EXOC7: variants seen among roughly 807,000 people sequenced by gnomAD.
EXOC7 encodes exocyst complex component Exo70.
In EXOC7, 51 loss-of-function variants were observed where a neutral mutation model predicts 87.6. That is an observed-to-expected ratio of 0.58 (90% CI 0.46 to 0.73). The LOEUF is 0.73. Ranked by LOEUF, EXOC7 falls within the 30% of genes least tolerant of loss-of-function variation. EXOC7 has a pLI of 0.00. For synonymous variants in EXOC7, 327 were observed against 357.1 expected (o/e 0.92, Z 0.95); for missense variants, 744 against 888.4 (o/e 0.84, Z 2.07).
rs1027345860 is a variant in EXOC7, at chr17:76,083,412, A to C, written c.*236T>G. 1 of 539,416 alleles carries C rather than the reference A, an allele frequency of 1.9e-6. No individual in the cohort carries two copies. Among genetic ancestry groups the C allele is most frequent in the African/African-American group, 1.9e-5 (1 of 52,368 alleles). The allele number at this position is 539,416 out of a possible 1,614,324, so 33.4% of individuals were successfully genotyped here. On this transcript the variant is annotated 3_prime_UTR_variant, in exon 19 of 19. Coordinates refer to ENST00000589210, the MANE Select transcript of EXOC7 (RefSeq NM_001013839.4). Reference sequence around the variant, plus strand: ...AGAAGCCATCAGGGTCATAAAAGCCAAGGTGTGGAGGGACCCCAGGCTTCC... The same window carrying C: ...AGAAGCCATCAGGGTCATAAAAGCCCAGGTGTGGAGGGACCCCAGGCTTCC...
intron 4 of EXOC7, among the ~76,000 whole-genome samples, chr17:76,098,619 T>C (rs1368489921): frequency 6.6e-6 from 1 of 151,098 alleles, no homozygotes; most frequent in Admixed American, 6.6e-5. Flanking sequence ...CCCAGCACTT[T>C]GGGAGGCCGA....
intron 12 of EXOC7, chr17:76,086,904 A>C: frequency 3.9e-6 from 6 of 1,551,158 alleles, no homozygotes; most frequent in Non-Finnish European, 5.2e-6. Flanking sequence ...TACGGAGTGA[A>C]AGGCAGTGCA....
At chr17:76,103,083 CTGAG>C (rs1273303609) in intron 2 of EXOC7, 1 of 489,526 alleles carries the variant, frequency 2.0e-6, no homozygotes, top group Admixed American at 3.5e-5. Flanking sequence ...GTCAGACTCA[CTGAG>C]TGTTTGCAGA....
intron 12 of EXOC7, chr17:76,087,342 G>A: frequency 2.2e-6 from 1 of 457,194 alleles, no homozygotes; most frequent in Non-Finnish European, 4.0e-6. Flanking sequence ...CACGAGAGAA[G>A]GATTTGGGAG....
rs2067018219 is a variant in EXOC7, at chr17:76,082,357, T to G, written c.*1291A>C. The G allele has an allele frequency of 1.6e-6, 2 of 1,229,906 alleles. No individual in the cohort carries two copies. Among genetic ancestry groups the G allele is most frequent in the East Asian group, 4.8e-5 (2 of 41,938 alleles). The allele number at this position is 1,229,906 out of a possible 1,614,324, so 76.2% of individuals were successfully genotyped here. A position where few individuals can be genotyped will look rare whatever the true frequency, so the allele number is the denominator to read the frequency against. ...GACCCAAATTTTCATCAGCTGAGAA[T>G]CTAAGAAAGGAAGCGATACAGGCTG... is the stretch of plus-strand genomic sequence containing the variant. On this transcript the variant is annotated 3_prime_UTR_variant, in exon 19 of 19. Coordinates refer to ENST00000589210, the MANE Select transcript of EXOC7 (RefSeq NM_001013839.4).
At chr17:76,089,122 T>C in intron 8 of EXOC7, 53 bp downstream of exon 8, 1 of 1,606,180 alleles carries the variant, frequency 6.2e-7, no homozygotes, top group Non-Finnish European at 8.5e-7. Flanking sequence ...CAAGAGTCTG[T>C]TGTGACAGCT....
intron 5 of EXOC7, among the ~76,000 whole-genome samples, chr17:76,095,891 T>C (rs1006003852): frequency 3.3e-5 from 5 of 152,242 alleles, no homozygotes; most frequent in South Asian, 2.1e-4. Flanking sequence ...CTTGCACACA[T>C]GACTGAGGAA....
At chr17:76,092,303 T>G (rs945031437) in intron 6 of EXOC7, 36 of 148,874 alleles carry the variant, frequency 2.4e-4, no homozygotes, top group Middle Eastern at 3.4e-3. Context: ...TTTTTTTTTT[T>G]TTTTTTTTTT....
chr17:76,102,417 GACACACACAC>G (rs3073225), intron 2 of EXOC7, among the ~76,000 whole-genome samples: 8,996 of 144,082 alleles, frequency 0.062, 893 homozygotes, highest in African/African-American at 0.21. Context: ...TACACACACA[GACACACACAC>G]ACACACACAC....
At position 76,082,275 on chromosome 17, in the gene EXOC7, T is replaced by C. The variant is rs2067014544; in HGVS notation, c.*1373A>G. 1 of 773,374 alleles carries C rather than the reference T, an allele frequency of 1.3e-6. No individual in the cohort carries two copies. Among genetic ancestry groups the C allele is most frequent in the Non-Finnish European group, 2.0e-6 (1 of 497,338 alleles). The allele number at this position is 773,374 out of a possible 1,614,324, so 47.9% of individuals were successfully genotyped here. The stretch of plus-strand genomic sequence containing the variant: ...GTGACCTCAATCCCCTGATAACCCA[T>C]GCCTTGCACAGCCTAAGAGGGTGTT... On this transcript the variant is annotated 3_prime_UTR_variant, in exon 19 of 19. Transcript: ENST00000589210.
Position 76,083,185 on chromosome 17 carries a change from GA to G in EXOC7, c.*462del, listed in dbSNP as rs2067057557. 1 of 173,000 alleles carries G rather than the reference GA, an allele frequency of 5.8e-6. No individual in the cohort carries two copies. Among genetic ancestry groups the G allele is most frequent in the Non-Finnish European group, 1.2e-5 (1 of 81,120 alleles). The allele number at this position is 173,000 out of a possible 1,614,324, so 10.7% of individuals were successfully genotyped here. A position where few individuals can be genotyped will look rare whatever the true frequency, so the allele number is the denominator to read the frequency against. On this transcript the variant is annotated 3_prime_UTR_variant, in exon 19 of 19. Transcript: ENST00000589210. ...GGGCGGGCGGGAATGTGTTTTAAGA[GA>G]GGGGGTCAGTCCCGACTGCCTTTCC...
chr17:76,103,252 C>T, intron 2 of EXOC7, 109 bp downstream of exon 2: 1 of 969,108 alleles, frequency 1.0e-6, no homozygotes. Context: ...CTGCCTCCGT[C>T]GCTGCCCATT....
intron 4 of EXOC7, among the ~76,000 whole-genome samples, chr17:76,099,851 C>G (rs2067970689): frequency 6.6e-6 from 1 of 152,132 alleles, no homozygotes; most frequent in Non-Finnish European, 1.5e-5. Flanking sequence ...GTAATCCCTC[C>G]CAACACTTTG....
Position 76,082,900 on chromosome 17 carries a change from A to C in EXOC7, c.*748T>G. On this transcript the variant is annotated 3_prime_UTR_variant, in exon 19 of 19. Transcript: ENST00000589210. ...CCATTTTGCTCCTTAACTTTTCCCC[A>C]TTGTCCCTGTCTCCCAGCCCACAGG... 4 of 347,542 alleles carry C rather than the reference A, an allele frequency of 1.2e-5. No individual in the cohort carries two copies. Among genetic ancestry groups the C allele is most frequent in the Admixed American group, 9.4e-5 (2 of 21,236 alleles). The allele number at this position is 347,542 out of a possible 1,614,324, so 21.5% of individuals were successfully genotyped here.
Position 76,097,857 on chromosome 17 carries a change from C to G in EXOC7, c.579G>C (p.Glu193Asp). 1 of 1,614,092 alleles carries G rather than the reference C, an allele frequency of 6.2e-7. No homozygotes were observed. Among genetic ancestry groups the G allele is most frequent in the Admixed American group, 1.7e-5 (1 of 59,996 alleles). ...TGCGAATGACATCCTGGAGCACGCT[C>G]TCGGGCAGGTGCTCCAGGGTCACGT... Reference protein sequence around the residue: ...QEDVTLEHLPESVLQDVIRIS... With the variant: ...QEDVTLEHLPDSVLQDVIRIS... The change falls in exon 5 of 19, where the codon GAG (glutamate) becomes GAC (aspartate). Residue 193 changes from glutamate to aspartate, a missense_variant. Around this residue, in one of 3 missense-constraint regions of EXOC7, gnomAD observed 512 missense variants for 573.0 expected, o/e 0.89. Coordinates refer to ENST00000589210, the MANE Select transcript of EXOC7 (RefSeq NM_001013839.4).
chr17:76,088,404 G>C, intron 10 of EXOC7, 60 bp downstream of exon 10: 1 of 1,528,492 alleles, frequency 6.5e-7, no homozygotes. Flanking sequence ...GAGTCCCCCA[G>C]GGCCAGGTCA....
At chr17:76,091,667 C>A in intron 6 of EXOC7, 1 of 173,240 alleles carries the variant, frequency 5.8e-6, no homozygotes, top group Non-Finnish European at 1.2e-5. Flanking sequence ...CCCAGCCCAG[C>A]CCCAAACTCC....
chr17:76,089,561 G>A lies in EXOC7; in HGVS notation c.902-241C>T, dbSNP rs1324360062. 7.0e-6 allele frequency: 4 copies of A among 569,082 alleles called. No homozygotes were observed. The Admixed American group carries it at 1.2e-4, about 17-fold the overall frequency. 35.3% of individuals were successfully genotyped at this position (569,082 alleles called of 1,614,324 possible). Reference sequence around the variant, plus strand: ...ATTCTCGGCTCTGCGCAGACAGTGGGATCAGACACCAGAGGCAGGAGAGTG... The same window carrying A: ...ATTCTCGGCTCTGCGCAGACAGTGGAATCAGACACCAGAGGCAGGAGAGTG... On this transcript the variant is annotated intron_variant, in intron 7 of 18. Transcript: ENST00000589210.
Position 76,103,415 on chromosome 17 carries a change from A to C in EXOC7, c.72T>G (p.Thr24=). The change falls in exon 2 of 19, where the codon ACT becomes ACG. Residue 24 remains threonine (T), a synonymous_variant. Coordinates refer to ENST00000589210, the MANE Select transcript of EXOC7 (RefSeq NM_001013839.4). The stretch of plus-strand genomic sequence containing the variant: ...CCAGGCTGTCTCGGATGAAGGACAG[A>C]GTCTCCTCCTCCTGGGGGCAGGCAA... ...IEDKLKQEEE[T]LSFIRDSLEK... is the part of the protein sequence containing the mutation. 1 of 1,605,824 alleles carries C rather than the reference A, an allele frequency of 6.2e-7. No homozygotes were observed. Among genetic ancestry groups the C allele is most frequent in the Non-Finnish European group, 8.5e-7 (1 of 1,176,098 alleles).
Sources: gnomAD v4.1 joint callset for allele counts (sites outside exome capture counted in the v4.1 genomes callset) on GRCh38, gnomAD v4.1.1 for gene constraint, gnomAD v4.1.1 regional missense constraint, MANE v1.5 for transcripts, NCBI Gene and HGNC (gene_info 2026-07-23, HGNC 2026-07-21) for gene names.